Variants in AHNAK observed in about 807,000 individuals in gnomAD.
AHNAK encodes neuroblast differentiation-associated protein AHNAK.
In AHNAK, 23 loss-of-function variants were observed where a neutral mutation model predicts 37.8. The observed-to-expected ratio is 0.61, with a 90% confidence interval of 0.44 to 0.86. The LOEUF (loss-of-function observed/expected upper bound fraction) is 0.86, where lower values mean the gene tolerates loss of function less well. Among genes scored for constraint, AHNAK ranks in the 40% least tolerant of loss-of-function variants. The pLI is 0.00. For missense variants in AHNAK, 7,411 were observed against 7,319.4 expected (o/e 1.01, Z -0.46); for synonymous variants, 2,481 against 2,636.3 (o/e 0.94, Z 1.80).
rs1027347510 is a variant in AHNAK at position 62,526,450 on chromosome 11, G to A, written c.7967C>T (p.Pro2656Leu). ...FSMPGFKGEG[P>L]DGDVKLPKAD... ...CTTGGGCAGCTTCACATCCCCATCT[G>A]GGCCCTCTCCTTTGAAGCCAGGCAT... Residue 2656 changes from proline (P) to leucine (L), a missense_variant, in exon 5 of 5, where the codon CCA becomes CTA. Transcript: ENST00000378024. 1.2e-6 allele frequency: 2 copies of A among 1,611,804 alleles called. No homozygotes were observed. The highest frequency in any genetic ancestry group is 1.7e-6 in the Non-Finnish European group (2 of 1,179,286).
intron 4 of AHNAK, among the ~76,000 whole-genome samples, chr11:62,496,156 A>G (rs2134170320): frequency 6.6e-6 from 1 of 152,304 alleles, no homozygotes. Flanking sequence ...AAACGAGTTC[A>G]GTTACTATTC....
chr11:62,485,488 G>A (rs1209521949), intron 5 of AHNAK, among the ~76,000 whole-genome samples: 1 of 151,974 alleles, frequency 6.6e-6, no homozygotes, highest in East Asian at 1.9e-4. Context: ...GGATCACAAG[G>A]TCAGGAGATC....
rs773356292 is a variant in AHNAK, at chr11:62,527,869, T to C, written c.6548A>G (p.Lys2183Arg). 7 of 1,613,914 alleles carry C rather than the reference T, an allele frequency of 4.3e-6. No homozygotes were observed. In the Admixed American group the frequency reaches 8.3e-5, roughly 19 times the overall value. The stretch of plus-strand genomic sequence containing the variant: ...TAAGTTCACATCAGGCATGGAGATC[T>C]TGGGGGTCTTGAAGTGCATCTCAGG... The part of the protein sequence containing the change: ...KMPEMHFKTP[K>R]ISMPDVNLNL... Residue 2183 changes from lysine to arginine, a missense_variant, in exon 5 of 5, where the codon AAG (lysine) becomes AGG (arginine). Transcript: ENST00000378024.
chr11:62,444,716 C>G (rs1938388456), intron 5 of AHNAK, among the ~76,000 whole-genome samples: 1 of 152,250 alleles, frequency 6.6e-6, no homozygotes, highest in Non-Finnish European at 1.5e-5. Context: ...GATGGGCACT[C>G]CGGGTGCGTC....
intron 5 of AHNAK, among the ~76,000 whole-genome samples, chr11:62,470,759 GA>G (rs1939019192): frequency 6.6e-6 from 1 of 151,762 alleles, no homozygotes; most frequent in South Asian, 2.1e-4. Context: ...ACTTCCACCA[GA>G]TCATCATCTC....
intron 5 of AHNAK, among the ~76,000 whole-genome samples, chr11:62,446,743 C>A (rs1938429261): frequency 1.3e-5 from 2 of 152,094 alleles, no homozygotes; most frequent in African/African-American, 2.4e-5. Flanking sequence ...CAGTGACAAC[C>A]ACCACCTCCT....
chr11:62,536,272 G>A (rs1176217616), intron 2 of AHNAK, 174 bp from the exon 3 acceptor site: 10 of 595,552 alleles, frequency 1.7e-5, no homozygotes, highest in East Asian at 6.7e-5. Context: ...GGGGTAATTC[G>A]TCTCACGTCC....
intron 4 of AHNAK, 110 bp downstream of exon 4, chr11:62,534,893 A>G (rs1590684376): frequency 8.5e-7 from 1 of 1,173,684 alleles, no homozygotes; most frequent in South Asian, 1.5e-5. Flanking sequence ...AGAGGAGAAG[A>G]AGGAGCAAAA....
chr11:62,541,565 G>C (rs1941124281), intron 1 of AHNAK, among the ~76,000 whole-genome samples: 1 of 152,124 alleles, frequency 6.6e-6, no homozygotes, highest in African/African-American at 2.4e-5. Context: ...AGGAGGCAAA[G>C]AGGAACAGAA....
chr11:62,439,852 G>A (rs1938266702), intron 5 of AHNAK, among the ~76,000 whole-genome samples: 1 of 151,692 alleles, frequency 6.6e-6, no homozygotes, highest in Admixed American at 6.6e-5. Context: ...ATTTTTAGTG[G>A]AGATGAGGTT....
intron 5 of AHNAK, among the ~76,000 whole-genome samples, chr11:62,480,390 A>G (rs1052379798): frequency 6.6e-6 from 1 of 152,094 alleles, no homozygotes; most frequent in Non-Finnish European, 1.5e-5. Context: ...TGCCAGGCAC[A>G]GTGACTCACG....
intron 4 of AHNAK, among the ~76,000 whole-genome samples, chr11:62,493,508 A>G (rs1296230173): frequency 6.6e-6 from 1 of 151,586 alleles, no homozygotes; most frequent in Non-Finnish European, 1.5e-5. Context: ...GGCTAAGCTT[A>G]TTTTTAGTAG....
chr11:62,433,557 T>A (rs766777730), exon 6 of AHNAK: 82 of 382,906 alleles, frequency 2.1e-4, no homozygotes, highest in Non-Finnish European at 3.4e-4. Context: ...GCTTGATAAA[T>A]GTTTATTGGA....
chr11:62,441,500 AT>A (rs1938305993), intron 5 of AHNAK, among the ~76,000 whole-genome samples: 2 of 151,616 alleles, frequency 1.3e-5, no homozygotes, highest in African/African-American at 4.8e-5. Flanking sequence ...TTTATATTTT[AT>A]ATTATTTTAT....
intron 4 of AHNAK, among the ~76,000 whole-genome samples, chr11:62,501,523 C>T (rs1254761525): frequency 6.6e-6 from 1 of 152,132 alleles, no homozygotes; most frequent in African/African-American, 2.4e-5. Flanking sequence ...GCCGAGATCG[C>T]GCCACTGCAC....
chr11:62,518,887 C>T lies in AHNAK; in HGVS notation c.15530G>A (p.Gly5177Asp). ...NLGAPDINIE[G>D]LDAKVKTPSF... Reference sequence around the variant, plus strand: ...CGGTGTTTTGACTTTAGCATCTAGGCCTTCGATGTTGATGTCAGGTGCACC... The same window carrying T: ...CGGTGTTTTGACTTTAGCATCTAGGTCTTCGATGTTGATGTCAGGTGCACC... Residue 5177 changes from glycine (G) to aspartate (D), a missense_variant, in exon 5 of 5, where the codon GGC (glycine) becomes GAC (aspartate). Physicochemically the swap from Gly to Asp is moderately conservative, Grantham distance 94. Coordinates refer to ENST00000378024, the MANE Select transcript of AHNAK (RefSeq NM_001620.3). 7 of 1,614,236 alleles carry T rather than the reference C, an allele frequency of 4.3e-6. No homozygotes were observed. Among genetic ancestry groups the T allele is most frequent in the Non-Finnish European group, 5.1e-6 (6 of 1,180,040 alleles).
intron 5 of AHNAK, among the ~76,000 whole-genome samples, chr11:62,452,004 G>A (rs1938548572): frequency 6.6e-6 from 1 of 151,480 alleles, no homozygotes; most frequent in Non-Finnish European, 1.5e-5. Context: ...AGTAGAAACT[G>A]GGTTTCACCG....
chr11:62,480,827 A>AAAAAAAAAAAAAAG lies in AHNAK; in HGVS notation c.442+10904_442+10905insCTTTTTTTTTTTTT, dbSNP rs139354282. On this transcript the variant is annotated intron_variant, in intron 5 of 5. Transcript: ENST00000257247. The stretch of plus-strand genomic sequence containing the variant: ...TTAAAAAAAAAAAAAAAAAAAAAAA[A>AAAAAAAAAAAAAAG]CCTGGATTTGCTGCCTTCTGGTCTG... Among the ~76,000 whole-genome samples, 2 of 120,886 alleles carry AAAAAAAAAAAAAAG rather than the reference A, an allele frequency of 1.7e-5. 1 individual carries two copies. The highest frequency in any genetic ancestry group is 3.5e-5 in the Non-Finnish European group (2 of 57,892). The allele number at this position is 120,886 out of a possible 152,430, so 79.3% of individuals were successfully genotyped here.
At chr11:62,511,241 G>GTT (rs540063151), downstream of AHNAK, among the ~76,000 whole-genome samples, 5 of 135,854 alleles carry the variant, frequency 3.7e-5, no homozygotes, top group Non-Finnish European at 8.1e-5. Flanking sequence ...CTTGTTTTTT[G>GTT]TTTTTTTTTT....
Sources: allele counts gnomAD v4.1 joint callset (sites outside exome capture counted in the v4.1 genomes callset), GRCh38; gene constraint gnomAD v4.1.1; transcripts MANE v1.5; gene names NCBI Gene and HGNC (gene_info 2026-07-23, HGNC 2026-07-21).